The following CHD9 variants were observed in gnomAD, a reference collection of about 807,000 sequenced individuals.
CHD9 encodes the protein chromodomain helicase DNA binding protein 9.
CHD9 carries 77 observed loss-of-function variants against 316.1 expected under a neutral mutation model. The observed-to-expected ratio is 0.24, with a 90% CI of 0.20 to 0.29. The LOEUF (loss-of-function observed/expected upper bound fraction) is 0.29, where lower values mean the gene tolerates loss of function less well. Among genes scored for constraint, CHD9 ranks in the 10% least tolerant of loss-of-function variants. The pLI, the probability that CHD9 is intolerant of heterozygous loss-of-function variation, is 1.00. For synonymous variants in CHD9, 1,129 were observed against 1,158.3 expected (o/e 0.97, Z 0.51); for missense variants, 2,763 against 3,438.1 (o/e 0.80, Z 4.91).
At chr16:53,146,408 T>C (rs2040586540) in intron 1 of CHD9, among the ~76,000 whole-genome samples, 1 of 76,572 alleles carries the variant, frequency 1.3e-5, no homozygotes, top group African/African-American at 6.6e-5. Flanking sequence ...AAAAATTGTG[T>C]GTGTGTGTAT....
intron 24 of CHD9, among the ~76,000 whole-genome samples, chr16:53,281,259 CCT>C (rs1374223932): frequency 6.6e-6 from 1 of 152,160 alleles, no homozygotes; most frequent in Admixed American, 6.5e-5. Flanking sequence ...TTCCAAATCT[CCT>C]GTCTCCAGTC....
chr16:53,288,070 G>C, intron 27 of CHD9, 56 bp downstream of exon 27: 1 of 1,303,022 alleles, frequency 7.7e-7, no homozygotes, highest in Non-Finnish European at 1.1e-6. Flanking sequence ...TTGGTTTCTT[G>C]TGTTTGCTTT....
At chr16:53,149,195 T>C (rs1318198531) in intron 1 of CHD9, among the ~76,000 whole-genome samples, 1 of 152,216 alleles carries the variant, frequency 6.6e-6, no homozygotes, top group African/African-American at 2.4e-5. Flanking sequence ...TCCTGGAGAA[T>C]GTTTCATCTG....
At position 53,063,358 on chromosome 16, in the gene CHD9, TCACACACACACACACACA is replaced by T. The variant is rs67988137; in HGVS notation, c.-165+8308_-165+8325del. 5.8e-5 allele frequency among the ~76,000 whole-genome samples: 8 copies of T among 137,128 alleles called. No homozygotes were observed. In the South Asian group the frequency reaches 1.2e-3, roughly 21 times the overall value. 90.0% of individuals were successfully genotyped at this position (137,128 alleles called of 152,430 possible). A position where few individuals can be genotyped will look rare whatever the true frequency, so the allele number is the denominator to read the frequency against. ...AGAATTATGCTGCTTCTCATAAATT[TCACACACACACACACACA>T]CACACACACACACACACACACACAC... On this transcript the variant is annotated intron_variant, in intron 1 of 38. Transcript: ENST00000447540.
At chr16:53,184,973 T>G (rs1476469310) in intron 2 of CHD9, among the ~76,000 whole-genome samples, 1 of 152,176 alleles carries the variant, frequency 6.6e-6, no homozygotes, top group Non-Finnish European at 1.5e-5. Context: ...TCTTGAGGCC[T>G]CCCCAGCTCT....
intron 20 of CHD9, 43 bp downstream of exon 20, chr16:53,263,140 A>G (rs1324500234): frequency 1.4e-6 from 2 of 1,415,850 alleles, no homozygotes; most frequent in African/African-American, 2.8e-5. Context: ...CTTTTGGGAT[A>G]CTTTGGCAAT....
At chr16:53,219,789 C>A (rs1202449760) in intron 3 of CHD9, among the ~76,000 whole-genome samples, 1 of 152,106 alleles carries the variant, frequency 6.6e-6, no homozygotes, top group African/African-American at 2.4e-5. Context: ...TTCTCTAGGC[C>A]TCAATTTCTT....
Position 53,306,231 on chromosome 16 carries a change from T to C in CHD9, c.6620-6T>C. The C allele has an allele frequency of 6.8e-7, 1 of 1,469,608 alleles. No individual in the cohort carries two copies. Among genetic ancestry groups the C allele is most frequent in the Non-Finnish European group, 9.0e-7 (1 of 1,109,068 alleles). The allele number at this position is 1,469,608 out of a possible 1,614,324, so 91.0% of individuals were successfully genotyped here. ...TTTAAAAAATGATTATAATTGTTTT[T>C]AGCAGAAAGTACTACTCACATGAAA... is the stretch of plus-strand genomic sequence containing the variant. On this transcript the variant is annotated splice_region_variant and splice_polypyrimidine_tract_variant and intron_variant, in intron 31 of 38. Coordinates refer to ENST00000447540, the MANE Select transcript of CHD9 (RefSeq NM_001308319.2).
At chr16:53,285,558 A>T in intron 24 of CHD9, 38 bp from the exon 25 acceptor site, 1 of 1,369,174 alleles carries the variant, frequency 7.3e-7, no homozygotes, top group Admixed American at 2.0e-5. Context: ...TGACTCATTT[A>T]TAATAATTCA....
At chr16:53,170,484 C>T (rs1034796782) in intron 2 of CHD9, among the ~76,000 whole-genome samples, 1 of 151,944 alleles carries the variant, frequency 6.6e-6, no homozygotes, top group Non-Finnish European at 1.5e-5. Context: ...ATTACCCTGC[C>T]TTAGACCTGG....
Position 53,319,119 on chromosome 16 carries a change from A to G in CHD9, c.7713+779A>G, listed in dbSNP as rs112602521. On this transcript the variant is annotated intron_variant, in intron 37 of 38. Transcript: ENST00000447540. ...GTTTCTCTTTTACCTCACAAAATAA[A>G]CAGTAGAAACTTGTGACACTGTTTT... Among the ~76,000 whole-genome samples, 451 of 152,326 alleles carry G rather than the reference A, an allele frequency of 3.0e-3. 5 individuals are homozygous for G. The highest frequency in any genetic ancestry group is 0.01 in the African/African-American group (424 of 41,576).
intron 19 of CHD9, among the ~76,000 whole-genome samples, chr16:53,258,564 G>T (rs900935375): frequency 6.6e-6 from 1 of 152,062 alleles, no homozygotes; most frequent in Admixed American, 6.6e-5. Context: ...TTTTTCCTGC[G>T]ACCCAAAGAC....
Position 53,306,271 on chromosome 16 carries a change from A to C in CHD9, c.6654A>C (p.Glu2218Asp). The C allele has an allele frequency of 6.3e-7, 1 of 1,587,912 alleles. No individual in the cohort carries two copies. Among genetic ancestry groups the C allele is most frequent in the Non-Finnish European group, 8.5e-7 (1 of 1,170,304 alleles). Reference sequence around the variant, plus strand: ...CTCACATGAAAGCCTATGATGAAGAAAGCGTCGCGTCACTGAGCACTACCC... The same window carrying C: ...CTCACATGAAAGCCTATGATGAAGACAGCGTCGCGTCACTGAGCACTACCC... ...STTHMKAYDE[E>D]SVASLSTTQD... The change falls in exon 32 of 39, where the codon GAA becomes GAC. Residue 2218 changes from glutamate to aspartate, a missense_variant. By Grantham distance (45) the Glu-to-Asp change is conservative. Around this residue, in one of 15 missense-constraint regions of CHD9, gnomAD observed 663 missense variants for 751.2 expected, o/e 0.88. Coordinates refer to ENST00000447540, the MANE Select transcript of CHD9 (RefSeq NM_001308319.2).
At chr16:53,320,485 A>G (rs112353152) in intron 37 of CHD9, among the ~76,000 whole-genome samples, 4,932 of 152,126 alleles carry the variant, frequency 0.032, 99 homozygotes, top group Middle Eastern at 0.071. Flanking sequence ...TCGTGCCACT[A>G]CACTCCAGCC....
chr16:53,252,444 A>G (rs149089903), intron 17 of CHD9, among the ~76,000 whole-genome samples: 1 of 152,318 alleles, frequency 6.6e-6, no homozygotes, highest in East Asian at 1.9e-4. Flanking sequence ...GAAACTATAA[A>G]AATTCTGGAA....
intron 34 of CHD9, chr16:53,311,218 A>G (rs1175726739): frequency 6.6e-6 from 1 of 152,076 alleles, no homozygotes; most frequent in Non-Finnish European, 1.5e-5. Context: ...GCAGCTATAC[A>G]AAATATTTAA....
chr16:53,314,856 A>G lies in CHD9; in HGVS notation c.7396A>G (p.Thr2466Ala). The G allele has an allele frequency of 6.2e-7, 1 of 1,613,468 alleles. No individual in the cohort carries two copies. Among genetic ancestry groups the G allele is most frequent in the Non-Finnish European group, 8.5e-7 (1 of 1,179,654 alleles). The change falls in exon 36 of 39, where the codon ACA becomes GCA. Residue 2466 changes from threonine (T) to alanine (A), a missense_variant. Around this residue, in one of 15 missense-constraint regions of CHD9, gnomAD observed 663 missense variants for 751.2 expected, o/e 0.88. Transcript: ENST00000447540. ...AGGCTTAACCTCCTCACAGATTTCCACAGGGATAAATCCAGCACTATCCTA... is the reference window on the plus strand; with the variant it reads ...AGGCTTAACCTCCTCACAGATTTCCGCAGGGATAAATCCAGCACTATCCTA... The part of the protein sequence containing the change: ...SLGLTSSQIS[T>A]GINPALSYTQ...
At chr16:53,114,209 A>T (rs965772948) in intron 1 of CHD9, among the ~76,000 whole-genome samples, 4 of 152,172 alleles carry the variant, frequency 2.6e-5, no homozygotes, top group African/African-American at 9.7e-5. Context: ...TTCCATGAAG[A>T]GGATGGAATC....
At chr16:53,142,701 T>C (rs1366414535) in intron 1 of CHD9, among the ~76,000 whole-genome samples, 1 of 152,274 alleles carries the variant, frequency 6.6e-6, no homozygotes, top group Non-Finnish European at 1.5e-5. Context: ...AACTATGCCA[T>C]GACTGGCTCA....
Sources: allele counts gnomAD v4.1 joint callset (sites outside exome capture counted in the v4.1 genomes callset), GRCh38; gene constraint gnomAD v4.1.1; regional missense constraint gnomAD v4.1.1; transcripts MANE v1.5; gene names NCBI Gene and HGNC (gene_info 2026-07-23, HGNC 2026-07-21).